The following ROBO2 variants were observed in gnomAD, a reference collection of about 807,000 sequenced individuals.
The protein encoded by ROBO2 is roundabout guidance receptor 2, also known as roundabout homolog 2.
ROBO2 carries 53 observed loss-of-function variants against 160.8 expected under a neutral mutation model. That is an observed-to-expected ratio of 0.33 (90% CI 0.26 to 0.41). The LOEUF is 0.41. ROBO2 is among the 10% of genes least tolerant of loss of function. ROBO2 has a pLI of 1.00. For synonymous variants in ROBO2, 664 were observed against 611.7 expected, an observed-to-expected ratio of 1.09 and a Z score of -1.26; for missense variants, 1,577 against 1,722.4, an observed-to-expected ratio of 0.92 and a Z score of 1.49.
chr3:75,925,361 G>A (rs551551555), intron 1 of ROBO2, among the ~76,000 whole-genome samples: 18 of 152,246 alleles, frequency 1.2e-4, no homozygotes, highest in African/African-American at 3.4e-4. Context: ...CTGCGCTCCA[G>A]TGTGGGTAAC....
At chr3:75,933,860 G>T (rs931779926) in intron 1 of ROBO2, among the ~76,000 whole-genome samples, 1 of 152,048 alleles carries the variant, frequency 6.6e-6, no homozygotes, top group East Asian at 1.9e-4. Flanking sequence ...CTCTTATAAC[G>T]TGTTCTAAAG....
intron 2 of ROBO2, among the ~76,000 whole-genome samples, chr3:77,173,717 T>A (rs1380856271): frequency 6.6e-6 from 1 of 152,170 alleles, no homozygotes. Context: ...TCAGTTATTG[T>A]TACATATCTT....
intron 2 of ROBO2, among the ~76,000 whole-genome samples, chr3:76,725,177 A>T: frequency 6.6e-6 from 1 of 150,720 alleles, no homozygotes; most frequent in Non-Finnish European, 1.5e-5. Context: ...ATGGCCAAGA[A>T]TTTTTTTTTT....
chr3:77,020,078 A>G (rs953637823), intron 2 of ROBO2, among the ~76,000 whole-genome samples: 5 of 152,234 alleles, frequency 3.3e-5, no homozygotes, highest in Non-Finnish European at 5.9e-5. Flanking sequence ...AATTTCTGAT[A>G]TATTTTTTAA....
At chr3:77,554,722 G>C (rs2093047910) in intron 8 of ROBO2, among the ~76,000 whole-genome samples, 1 of 151,952 alleles carries the variant, frequency 6.6e-6, no homozygotes. Context: ...ACAGTCACAT[G>C]ATACAAATTG....
intron 2 of ROBO2, among the ~76,000 whole-genome samples, chr3:76,315,391 CTG>C (rs1241649428): frequency 2.0e-5 from 3 of 152,222 alleles, no homozygotes; most frequent in African/African-American, 7.2e-5. Context: ...GAAAGCCTCT[CTG>C]GCAGTTATCT....
intron 2 of ROBO2, among the ~76,000 whole-genome samples, chr3:77,011,046 C>CT (rs200447148): frequency 0.17 from 18,124 of 108,098 alleles, 1,669 homozygotes; most frequent in African/African-American, 0.32. Flanking sequence ...CTTTTCTTTT[C>CT]TTTCTTTCTT....
At chr3:77,263,568 C>G (rs1017557312) in intron 2 of ROBO2, among the ~76,000 whole-genome samples, 1 of 152,170 alleles carries the variant, frequency 6.6e-6, no homozygotes, top group African/African-American at 2.4e-5. Flanking sequence ...ATCCATGTCC[C>G]TACAAAGGAT....
At chr3:76,834,804 T>C (rs974836082) in intron 2 of ROBO2, among the ~76,000 whole-genome samples, 3 of 152,206 alleles carry the variant, frequency 2.0e-5, no homozygotes, top group African/African-American at 7.2e-5. Flanking sequence ...TCTATATAGA[T>C]ATAGACATGC....
chr3:77,290,861 GA>G (rs1402834160), intron 2 of ROBO2, among the ~76,000 whole-genome samples: 1 of 71,338 alleles, frequency 1.4e-5, no homozygotes, highest in Non-Finnish European at 3.7e-5. Context: ...GATCACTAAA[GA>G]CATAAAGTAA....
At chr3:77,613,094 C>G (rs576788943) in intron 21 of ROBO2, among the ~76,000 whole-genome samples, 23 of 152,016 alleles carry the variant, frequency 1.5e-4, no homozygotes, top group African/African-American at 5.3e-4. Context: ...TATGGTTAGG[C>G]TCTCCTTGGC....
intron 1 of ROBO2, among the ~76,000 whole-genome samples, chr3:77,079,335 AGACT>A (rs1232320949): frequency 2.0e-5 from 3 of 152,216 alleles, no homozygotes; most frequent in Non-Finnish European, 4.4e-5. Flanking sequence ...AATGTTAATG[AGACT>A]GACGTTACAG....
chr3:76,475,613 G>A (rs377291031), intron 2 of ROBO2, among the ~76,000 whole-genome samples: 1 of 151,794 alleles, frequency 6.6e-6, no homozygotes, highest in Non-Finnish European at 1.5e-5. Flanking sequence ...TGAACTGTAT[G>A]TTACTTATAC....
At chr3:76,399,141 A>G (rs1161094773) in intron 2 of ROBO2, among the ~76,000 whole-genome samples, 1 of 151,808 alleles carries the variant, frequency 6.6e-6, no homozygotes, top group Non-Finnish European at 1.5e-5. Flanking sequence ...GATGAAAAAG[A>G]AATAGAAGAA....
intron 2 of ROBO2, among the ~76,000 whole-genome samples, chr3:76,207,639 C>T (rs1702893551): frequency 6.6e-6 from 1 of 152,112 alleles, no homozygotes; most frequent in Admixed American, 6.5e-5. Flanking sequence ...GGATTAGACA[C>T]AATGCCTACC....
chr3:76,888,667 C>T (rs1009631226), intron 2 of ROBO2, among the ~76,000 whole-genome samples: 2 of 152,188 alleles, frequency 1.3e-5, no homozygotes, highest in East Asian at 3.9e-4. Flanking sequence ...GTAGTCTTTA[C>T]CATTGATGAA....
chr3:76,531,688 C>A (rs1341416500), intron 2 of ROBO2, among the ~76,000 whole-genome samples: 7 of 147,496 alleles, frequency 4.7e-5, no homozygotes, highest in Admixed American at 2.7e-4. Context: ...AACAGTAATC[C>A]AATGAAGTTG....
chr3:75,928,844 T>C (rs887002695), intron 1 of ROBO2, among the ~76,000 whole-genome samples: 8 of 146,986 alleles, frequency 5.4e-5, no homozygotes, highest in South Asian at 2.2e-4. Context: ...AAACATGAGA[T>C]CTGCAGCTGG....
chr3:77,410,737 C>G (rs1288138479), intron 2 of ROBO2, among the ~76,000 whole-genome samples: 2 of 137,136 alleles, frequency 1.5e-5, no homozygotes, highest in Non-Finnish European at 3.3e-5. Flanking sequence ...TCCTCTTCCT[C>G]CTCCTTTTCC....
Sources: allele counts gnomAD v4.1 joint callset (sites outside exome capture counted in the v4.1 genomes callset), GRCh38; gene constraint gnomAD v4.1.1; transcripts MANE v1.5; gene names NCBI Gene and HGNC (gene_info 2026-07-23, HGNC 2026-07-21).